Variants in ATP6V1B2 observed in about 807,000 individuals in gnomAD.
ATP6V1B2 encodes ATPase H+ transporting V1 subunit B2, also known as V-type proton ATPase subunit B, brain isoform.
In ATP6V1B2, 23 loss-of-function variants were observed where a neutral mutation model predicts 66.7. That is an observed-to-expected ratio of 0.34 (90% confidence interval 0.25 to 0.49). The LOEUF is 0.49. Ranked by LOEUF, ATP6V1B2 falls within the 20% of genes least tolerant of loss-of-function variation. ATP6V1B2 has a pLI of 0.99. For missense variants in ATP6V1B2, 478 were observed against 650.8 expected (o/e 0.73, Z 2.89); for synonymous variants, 278 against 236.7 (o/e 1.17, Z -1.60).
At chr8:20,211,959 T>A in intron 7 of ATP6V1B2, 143 bp from the exon 8 acceptor site, 1 of 861,304 alleles carries the variant, frequency 1.2e-6, no homozygotes, top group Non-Finnish European at 1.8e-6. Flanking sequence ...ACCGGCTCTT[T>A]GTTCTGTTGG....
At position 20,220,368 on chromosome 8, in the gene ATP6V1B2, G is replaced by A. The variant is rs778151601; in HGVS notation, c.1502G>A (p.Ser501Asn). The A allele has an allele frequency of 3.8e-6, 6 of 1,589,276 alleles. No individual in the cohort carries two copies. The South Asian group carries it at 5.8e-5, about 15-fold the overall frequency. Residue 501 changes from serine to asparagine, a missense_variant, in exon 14 of 14, where the codon AGC becomes AAC. Physicochemically the swap from Ser to Asn is conservative, Grantham distance 46. This residue lies in a region of ATP6V1B2 where 326 missense variants were observed against 545.6 expected (regional missense o/e 0.60). Transcript: ENST00000276390. The part of the protein sequence containing the change: ...MLKRIPQSTL[S>N]EFYPRDSAKH ...AAGAGAATCCCTCAGAGCACCCTCAGCGAATTTTACCCTCGAGACTCTGCA... is the reference window on the plus strand; with the variant it reads ...AAGAGAATCCCTCAGAGCACCCTCAACGAATTTTACCCTCGAGACTCTGCA...
intron 9 of ATP6V1B2, 40 bp from the exon 10 acceptor site, chr8:20,214,778 A>G: frequency 2.6e-6 from 4 of 1,552,160 alleles, no homozygotes; most frequent in Non-Finnish European, 2.6e-6. Flanking sequence ...AGCTTGTTGT[A>G]ATATCGTGCA....
In ATP6V1B2 at chr8:20,209,540, C is replaced by T; in HGVS notation, c.291+9C>T. On this transcript the variant is annotated intron_variant, in intron 3 of 13. Coordinates refer to ENST00000276390, the MANE Select transcript of ATP6V1B2 (RefSeq NM_001693.4). Reference sequence around the variant, plus strand: ...CCAAGGCAGTAGTTCAGGTAAGTTTCAGCTGGCCAGCTGAACTGTTTCCTA... The same window carrying T: ...CCAAGGCAGTAGTTCAGGTAAGTTTTAGCTGGCCAGCTGAACTGTTTCCTA... The T allele has an allele frequency of 1.2e-6, 2 of 1,609,564 alleles. No homozygotes were observed. The highest frequency in any genetic ancestry group is 1.7e-4 in the Middle Eastern group (1 of 6,052).
At chr8:20,202,702 A>G (rs1464233221) in intron 1 of ATP6V1B2, among the ~76,000 whole-genome samples, 1 of 152,242 alleles carries the variant, frequency 6.6e-6, no homozygotes. Context: ...GTATTGTTGT[A>G]GAAATCAGAC....
intron 3 of ATP6V1B2, among the ~76,000 whole-genome samples, chr8:20,209,800 G>A (rs952621039): frequency 6.6e-6 from 1 of 152,158 alleles, no homozygotes; most frequent in Non-Finnish European, 1.5e-5. Context: ...CACTGATGAT[G>A]TGATGAAACC....
At chr8:20,219,277 A>T (rs2072885146) in intron 13 of ATP6V1B2, among the ~76,000 whole-genome samples, 2 of 152,156 alleles carry the variant, frequency 1.3e-5, no homozygotes, top group South Asian at 4.1e-4. Context: ...GCTCTAGTCC[A>T]AACCTTTGTC....
intron 3 of ATP6V1B2, among the ~76,000 whole-genome samples, chr8:20,210,067 T>C (rs971722391): frequency 6.8e-6 from 1 of 147,954 alleles, no homozygotes; most frequent in Non-Finnish European, 1.5e-5. Flanking sequence ...TTAAAAAATA[T>C]ATATATATAT....
At chr8:20,199,589 T>C (rs1160975017) in intron 1 of ATP6V1B2, among the ~76,000 whole-genome samples, 1 of 149,474 alleles carries the variant, frequency 6.7e-6, no homozygotes, top group Admixed American at 6.7e-5. Context: ...TTGATTAACC[T>C]CTTAATTTTT....
chr8:20,210,842 A>G (rs950020034), intron 5 of ATP6V1B2, among the ~76,000 whole-genome samples, 196 bp downstream of exon 5: 1 of 152,108 alleles, frequency 6.6e-6, no homozygotes, highest in Non-Finnish European at 1.5e-5. Flanking sequence ...TAATATCTTA[A>G]GATACTGTAA....
Position 20,204,210 on chromosome 8 carries a change from G to A in ATP6V1B2, c.137-274G>A, listed in dbSNP as rs944955578. Reference sequence around the variant, plus strand: ...AGACTGAACTTTTGAGACAAGCAGAGTCTTTCCCTCTGTGTCTTGTTTTTG... The same window carrying A: ...AGACTGAACTTTTGAGACAAGCAGAATCTTTCCCTCTGTGTCTTGTTTTTG... On this transcript the variant is annotated intron_variant, in intron 1 of 13. Coordinates refer to ENST00000276390, the MANE Select transcript of ATP6V1B2 (RefSeq NM_001693.4). 4.1e-5 allele frequency: 18 copies of A among 438,180 alleles called. 1 individual carries two copies. Among genetic ancestry groups the A allele is most frequent in the African/African-American group, 3.0e-4 (15 of 49,720 alleles). The allele number at this position is 438,180 out of a possible 1,614,324, so 27.1% of individuals were successfully genotyped here. A position where few individuals can be genotyped will look rare whatever the true frequency, so the allele number is the denominator to read the frequency against.
intron 2 of ATP6V1B2, among the ~76,000 whole-genome samples, chr8:20,205,461 G>A (rs1436844582): frequency 4.6e-5 from 7 of 152,120 alleles, no homozygotes; most frequent in Admixed American, 4.6e-4. Flanking sequence ...AGGGTGCTGT[G>A]AAAGATGATA....
chr8:20,219,199 T>G (rs1489023369), intron 13 of ATP6V1B2, among the ~76,000 whole-genome samples: 2 of 152,106 alleles, frequency 1.3e-5, no homozygotes, highest in African/African-American at 2.4e-5. Context: ...GGGACAGAGA[T>G]TTTGCATTTC....
chr8:20,216,546 T>C lies in ATP6V1B2; in HGVS notation c.1161+51T>C, dbSNP rs373203769. ...AGCTTGCAGACCTGCTCATCCGTTATTCTTTAGTGACTTGGATTTTGCTCT... is the reference window on the plus strand; with the variant it reads ...AGCTTGCAGACCTGCTCATCCGTTACTCTTTAGTGACTTGGATTTTGCTCT... On this transcript the variant is annotated intron_variant, in intron 11 of 13. Transcript: ENST00000276390. 15 of 1,524,070 alleles carry C rather than the reference T, an allele frequency of 9.8e-6. No individual in the cohort carries two copies. The African/African-American group carries it at 1.2e-4, about 13-fold the overall frequency. The allele number at this position is 1,524,070 out of a possible 1,614,324, so 94.4% of individuals were successfully genotyped here. A position where few individuals can be genotyped will look rare whatever the true frequency, so the allele number is the denominator to read the frequency against.
chr8:20,204,506 C>A lies in ATP6V1B2; in HGVS notation c.159C>A (p.Val53=). ...PRLTYKTVSG[V]NGPLVILDHV... is the part of the protein sequence containing the mutation. The stretch of plus-strand genomic sequence containing the variant: ...CAGCATACAAGACAGTATCTGGAGT[C>A]AATGGTCCACTAGTGATCTTAGATC... The change falls in exon 2 of 14, where the codon GTC becomes GTA. Residue 53 remains valine (V), a synonymous_variant. Coordinates refer to ENST00000276390, the MANE Select transcript of ATP6V1B2 (RefSeq NM_001693.4). The A allele has an allele frequency of 6.2e-7, 1 of 1,612,910 alleles. No homozygotes were observed. Among genetic ancestry groups the A allele is most frequent in the South Asian group, 1.1e-5 (1 of 91,016 alleles).
In ATP6V1B2 at chr8:20,197,422, A is replaced by G. The variant is rs142788403; in HGVS notation, c.16A>G (p.Met6Val). 5.2e-5 allele frequency: 80 copies of G among 1,542,970 alleles called. No individual in the cohort carries two copies. Among genetic ancestry groups the G allele is most frequent in the Non-Finnish European group, 6.7e-5 (77 of 1,146,840 alleles). MALRA[M>V]RGIVNGAAPE... ...AGGAGACAAGATGGCGCTGCGGGCG[A>G]TGCGGGGGATTGTCAACGGGGCCGC... The change falls in exon 1 of 14, where the codon ATG becomes GTG. Residue 6 changes from methionine (M) to valine (V), a missense_variant. Around this residue, in one of 2 missense-constraint regions of ATP6V1B2, gnomAD observed 152 missense variants for 105.2 expected, o/e 1.44. Coordinates refer to ENST00000276390, the MANE Select transcript of ATP6V1B2 (RefSeq NM_001693.4).
At chr8:20,210,766 A>C (rs951671335) in intron 5 of ATP6V1B2, 120 bp downstream of exon 5, 2 of 527,772 alleles carry the variant, frequency 3.8e-6, no homozygotes, top group Non-Finnish European at 6.4e-6. Context: ...AACACGCTCC[A>C]TAGGTTATAA....
Position 20,214,858 on chromosome 8 carries a change from T to A in ATP6V1B2, c.968T>A (p.Phe323Tyr). 6.2e-7 allele frequency: 1 copy of A among 1,613,038 alleles called. No individual in the cohort carries two copies. The highest frequency in any genetic ancestry group is 8.5e-7 in the Non-Finnish European group (1 of 1,179,428). The change falls in exon 10 of 14, where the codon TTT (phenylalanine) becomes TAT (tyrosine). Residue 323 changes from phenylalanine to tyrosine, a missense_variant. This residue lies in a region of ATP6V1B2 where 326 missense variants were observed against 545.6 expected (regional missense o/e 0.60). Coordinates refer to ENST00000276390, the MANE Select transcript of ATP6V1B2 (RefSeq NM_001693.4). Reference sequence around the variant, plus strand: ...GAAGAGGTACCTGGTCGACGAGGTTTTCCAGGTTACATGTATACAGATTTA... The same window carrying A: ...GAAGAGGTACCTGGTCGACGAGGTTATCCAGGTTACATGTATACAGATTTA... ...AREEVPGRRG[F>Y]PGYMYTDLAT...
At chr8:20,213,503 G>C (rs1314798570) in intron 9 of ATP6V1B2, 3 of 154,190 alleles carry the variant, frequency 1.9e-5, no homozygotes, top group African/African-American at 7.2e-5. Flanking sequence ...TTAAGATATT[G>C]GCTGGGCGTA....
Position 20,220,515 on chromosome 8 carries a change from A to C in ATP6V1B2, c.*113A>C. The C allele has an allele frequency of 7.3e-7, 1 of 1,370,540 alleles. No homozygotes were observed. The highest frequency in any genetic ancestry group is 1.5e-5 in the African/African-American group (1 of 66,868). The allele number at this position is 1,370,540 out of a possible 1,614,324, so 84.9% of individuals were successfully genotyped here. ...TTGGAGTTTACCATGTTACCCTGTA[A>C]TTAAAAACAAAGAATAGGTAACATA... On this transcript the variant is annotated 3_prime_UTR_variant, in exon 14 of 14. Transcript: ENST00000276390.
Sources: gnomAD v4.1 joint callset for allele counts (sites outside exome capture counted in the v4.1 genomes callset) on GRCh38, gnomAD v4.1.1 for gene constraint, gnomAD v4.1.1 regional missense constraint, MANE v1.5 for transcripts, NCBI Gene and HGNC (gene_info 2026-07-23, HGNC 2026-07-21) for gene names.